MYO9A: variants seen among roughly 807,000 people sequenced by gnomAD.
MYO9A encodes the protein unconventional myosin-IXa.
In MYO9A, 103 loss-of-function variants were observed where a neutral mutation model predicts 293.3. The ratio of observed to expected loss-of-function variants is 0.35; its 90% CI spans 0.30 to 0.41. MYO9A has a LOEUF of 0.41. Ranked by LOEUF, MYO9A falls within the 10% of genes least tolerant of loss-of-function variation. The pLI is 1.00. For missense variants in MYO9A, 2,685 were observed against 3,033.0 expected (o/e 0.89, Z 2.69); for synonymous variants, 1,001 against 1,035.7 (o/e 0.97, Z 0.64).
intron 13 of MYO9A, among the ~76,000 whole-genome samples, chr15:71,963,086 GGTTT>G (rs2075784662): frequency 6.6e-6 from 1 of 151,718 alleles, no homozygotes. Flanking sequence ...CTCTTTTTTT[GGTTT>G]GTTTGTTTTT....
chr15:71,903,741 T>G (rs1387828176), intron 21 of MYO9A, among the ~76,000 whole-genome samples, 188 bp downstream of exon 21: 1 of 152,196 alleles, frequency 6.6e-6, no homozygotes, highest in East Asian at 1.9e-4. Context: ...TACAATAAGC[T>G]TAATGAGATT....
intron 1 of MYO9A, among the ~76,000 whole-genome samples, chr15:72,107,798 C>CAA (rs61497465): frequency 0.64 from 90,984 of 142,802 alleles, 30,026 homozygotes; most frequent in Middle Eastern, 0.73. Flanking sequence ...ATTTGAGCAT[C>CAA]AAAAAAAAAA....
At chr15:72,050,086 T>G (rs191980116) in intron 1 of MYO9A, among the ~76,000 whole-genome samples, 12 of 152,342 alleles carry the variant, frequency 7.9e-5, no homozygotes, top group Admixed American at 3.3e-4. Context: ...TTACCTTTTT[T>G]GAGTCCTAGT....
intron 17 of MYO9A, among the ~76,000 whole-genome samples, chr15:71,934,612 T>C (rs1443931572): frequency 6.6e-6 from 1 of 151,510 alleles, no homozygotes; most frequent in African/African-American, 2.4e-5. Context: ...TTTTTTTTTT[T>C]TTCTCAGAGA....
At chr15:71,867,782 C>T (rs1423411533) in intron 32 of MYO9A, among the ~76,000 whole-genome samples, 1 of 139,512 alleles carries the variant, frequency 7.2e-6, no homozygotes, top group Non-Finnish European at 1.5e-5. Flanking sequence ...CCACTAATTT[C>T]AATTCTGGGA....
At chr15:71,944,585 T>C (rs768453699) in intron 15 of MYO9A, among the ~76,000 whole-genome samples, 8 of 152,180 alleles carry the variant, frequency 5.3e-5, no homozygotes, top group Non-Finnish European at 1.2e-4. Context: ...GTTGTTCTAG[T>C]GCTATTTGTT....
intron 32 of MYO9A, among the ~76,000 whole-genome samples, chr15:71,873,368 C>T (rs2142159307): frequency 6.6e-6 from 1 of 152,282 alleles, no homozygotes; most frequent in Admixed American, 6.5e-5. Context: ...CCATTACAAA[C>T]TCTTCTTCAA....
At chr15:72,019,147 T>C in intron 5 of MYO9A, 52 bp from the exon 6 acceptor site, 3 of 1,454,384 alleles carry the variant, frequency 2.1e-6, no homozygotes, top group Non-Finnish European at 2.9e-6. Flanking sequence ...TATACTCTTC[T>C]AATGATCTCT....
chr15:72,104,058 C>T (rs1482981498), intron 1 of MYO9A, among the ~76,000 whole-genome samples: 2 of 152,188 alleles, frequency 1.3e-5, no homozygotes, highest in African/African-American at 4.8e-5. Flanking sequence ...AGTGCAAAAT[C>T]GATATGCATT....
At chr15:72,057,909 T>G (rs2078766757) in intron 1 of MYO9A, among the ~76,000 whole-genome samples, 1 of 152,204 alleles carries the variant, frequency 6.6e-6, no homozygotes, top group Non-Finnish European at 1.5e-5. Flanking sequence ...GAGGTAGGTT[T>G]CTGTTCTCTA....
intron 1 of MYO9A, among the ~76,000 whole-genome samples, chr15:72,092,679 G>A (rs2079951807): frequency 6.6e-6 from 1 of 152,118 alleles, no homozygotes; most frequent in African/African-American, 2.4e-5. Flanking sequence ...CATGAAAACA[G>A]CCACAGACAA....
intron 6 of MYO9A, among the ~76,000 whole-genome samples, chr15:72,012,742 T>C (rs1407516135): frequency 6.6e-6 from 1 of 152,212 alleles, no homozygotes; most frequent in African/African-American, 2.4e-5. Flanking sequence ...CTATTACAAG[T>C]GGCAAGGCAG....
At chr15:72,098,970 G>A (rs1446581098) in intron 1 of MYO9A, among the ~76,000 whole-genome samples, 1 of 151,824 alleles carries the variant, frequency 6.6e-6, no homozygotes. Flanking sequence ...CTATAAATTG[G>A]CAAACCTCTG....
chr15:72,040,567 A>T (rs1366022840), intron 2 of MYO9A, among the ~76,000 whole-genome samples: 1 of 152,132 alleles, frequency 6.6e-6, no homozygotes, highest in Non-Finnish European at 1.5e-5. Flanking sequence ...CTGCGAGCCT[A>T]ATCTTTCCTG....
intron 1 of MYO9A, among the ~76,000 whole-genome samples, chr15:72,107,779 T>C (rs944261699): frequency 8.4e-6 from 1 of 119,632 alleles, no homozygotes; most frequent in African/African-American, 3.3e-5. Context: ...ACTGTCCTTA[T>C]TTGAGACAAT....
intron 18 of MYO9A, among the ~76,000 whole-genome samples, chr15:71,922,404 G>C (rs1157538956): frequency 6.6e-6 from 1 of 152,172 alleles, no homozygotes; most frequent in Non-Finnish European, 1.5e-5. Flanking sequence ...TGTATACATT[G>C]AGTAGTGATT....
intron 1 of MYO9A, among the ~76,000 whole-genome samples, chr15:72,051,685 G>A (rs899504551): frequency 1.3e-5 from 2 of 152,114 alleles, no homozygotes; most frequent in East Asian, 1.9e-4. Context: ...GTGTGCACAC[G>A]CTCCAGATAG....
chr15:72,061,948 C>T (rs1174199477), intron 1 of MYO9A, among the ~76,000 whole-genome samples: 2 of 152,180 alleles, frequency 1.3e-5, no homozygotes, highest in East Asian at 1.9e-4. Flanking sequence ...GTGGTCACGG[C>T]GGTGCTTGGG....
intron 1 of MYO9A, among the ~76,000 whole-genome samples, chr15:72,105,503 T>A (rs917387584): frequency 4.6e-5 from 5 of 109,564 alleles, no homozygotes; most frequent in African/African-American, 1.9e-4. Flanking sequence ...CTGGGAAAGC[T>A]TTTTTTTTTT....
Sources: gnomAD v4.1 joint callset for allele counts (sites outside exome capture counted in the v4.1 genomes callset) on GRCh38, gnomAD v4.1.1 for gene constraint, MANE v1.5 for transcripts, NCBI Gene and HGNC (gene_info 2026-07-23, HGNC 2026-07-21) for gene names.